COL4A4: variants seen among roughly 807,000 people sequenced by gnomAD.
COL4A4 encodes the protein collagen alpha-4(IV) chain.
Under a neutral mutation model 192.9 loss-of-function variants are expected in COL4A4, and 105 were observed. The observed-to-expected ratio is 0.54, with a 90% CI of 0.46 to 0.64. The LOEUF (loss-of-function observed/expected upper bound fraction) is 0.64. COL4A4 is among the 30% of genes least tolerant of loss of function. The pLI is 0.00. For missense variants in COL4A4, 1,967 were observed against 2,169.3 expected, an observed-to-expected ratio of 0.91 and a Z score of 1.85; for synonymous variants, 762 against 769.9, an observed-to-expected ratio of 0.99 and a Z score of 0.17.
the COL4A4 span, chr2:226,996,475 T>A: frequency 6.6e-6 from 1 of 152,222 alleles, no homozygotes; most frequent in East Asian, 1.9e-4. Flanking sequence ...TCTGTCTGAG[T>A]CGTTTAAGGC....
chr2:226,982,102 C>T, the COL4A4 span, among the ~76,000 whole-genome samples: 1 of 152,230 alleles, frequency 6.6e-6, no homozygotes, highest in African/African-American at 2.4e-5. Context: ...TTTTCTTGCC[C>T]AGCAAGCACA....
chr2:227,113,284 A>G lies in COL4A4; in HGVS notation c.558+1344T>C, dbSNP rs572554379. On this transcript the variant is annotated intron_variant, in intron 8 of 47. Transcript: ENST00000396625. Reference sequence around the variant, plus strand: ...TATAAAGTGGATATAGACTCTTAAGAGCATTGTCTCTCAAAGGTTATTGAT... The same window carrying G: ...TATAAAGTGGATATAGACTCTTAAGGGCATTGTCTCTCAAAGGTTATTGAT... 1.2e-4 allele frequency among the ~76,000 whole-genome samples: 19 copies of G among 152,300 alleles called. No homozygotes were observed. In the South Asian group the frequency reaches 3.9e-3, roughly 32 times the overall value.
intron 20 of COL4A4, among the ~76,000 whole-genome samples, chr2:227,093,222 T>C (rs960651276): frequency 3.2e-4 from 48 of 152,246 alleles, no homozygotes; most frequent in African/African-American, 1.1e-3. Context: ...AATTTACTTA[T>C]AGTTTAAATA....
intron 43 of COL4A4, among the ~76,000 whole-genome samples, chr2:227,024,799 A>G (rs1033434190): frequency 1.3e-5 from 2 of 152,232 alleles, no homozygotes; most frequent in African/African-American, 4.8e-5. Flanking sequence ...CTTTTCTACT[A>G]TGGGTGACTT....
At chr2:226,982,880 G>C in the COL4A4 span, among the ~76,000 whole-genome samples, 8 of 152,302 alleles carry the variant, frequency 5.3e-5, no homozygotes, top group South Asian at 1.7e-3. Context: ...TTCTACTCCA[G>C]TGTCATCACA....
intron 4 of COL4A4, among the ~76,000 whole-genome samples, chr2:227,121,885 T>G (rs890893756): frequency 3.9e-5 from 6 of 152,166 alleles, no homozygotes; most frequent in African/African-American, 1.4e-4. Context: ...AAAATCAAAG[T>G]TTTATTTACC....
chr2:227,042,043 G>C, intron 37 of COL4A4, 105 bp downstream of exon 37: 1 of 793,660 alleles, frequency 1.3e-6, no homozygotes, highest in East Asian at 2.4e-5. Context: ...GAAAAGAGTG[G>C]TATAACCAAG....
In COL4A4 at chr2:227,050,122, C is replaced by G; in HGVS notation, c.3160G>C (p.Gly1054Arg). 6.2e-7 allele frequency: 1 copy of G among 1,614,160 alleles called. No homozygotes were observed. The highest frequency in any genetic ancestry group is 1.1e-5 in the South Asian group (1 of 91,086). Residue 1054 changes from glycine (G) to arginine (R), a missense_variant, in exon 34 of 48, where the codon GGT becomes CGT. Transcript: ENST00000396625. ...PGLPGDQGEP[G>R]SPGPPGFSGI... ...GAAAATCCAGGGGGACCTGGAGAACCTGGCTCACCCTGACAGTTTAATGAA... is the reference window on the plus strand; with the variant it reads ...GAAAATCCAGGGGGACCTGGAGAACGTGGCTCACCCTGACAGTTTAATGAA...
chr2:227,039,608 G>C (rs1250314771), intron 37 of COL4A4, among the ~76,000 whole-genome samples: 3 of 152,210 alleles, frequency 2.0e-5, no homozygotes, highest in African/African-American at 7.2e-5. Flanking sequence ...AAGCCACCAA[G>C]ACACTTAAAA....
intron 20 of COL4A4, 66 bp from the exon 21 acceptor site, chr2:227,090,023 T>A: frequency 7.5e-7 from 1 of 1,339,714 alleles, no homozygotes; most frequent in Non-Finnish European, 1.1e-6. Context: ...TTCTATAGAA[T>A]AAGTGACTTT....
At chr2:227,134,753 T>C (rs1382773169) in intron 4 of COL4A4, among the ~76,000 whole-genome samples, 3 of 152,232 alleles carry the variant, frequency 2.0e-5, no homozygotes, top group Non-Finnish European at 4.4e-5. Context: ...AAAGAATGAC[T>C]CACTCACGTT....
At chr2:227,094,928 C>T (rs555788003) in intron 19 of COL4A4, among the ~76,000 whole-genome samples, 2 of 152,118 alleles carry the variant, frequency 1.3e-5, no homozygotes, top group Non-Finnish European at 2.9e-5. Flanking sequence ...ATAAAGTTTG[C>T]TTTTCCACAG....
rs2059762581 is a variant in COL4A4 at position 227,089,135 on chromosome 2, T to C, written c.1460-319A>G. On this transcript the variant is annotated intron_variant, in intron 21 of 47. Coordinates refer to ENST00000396625, the MANE Select transcript of COL4A4 (RefSeq NM_000092.5). ...AGAAACGTTAAAAATAATTCAACTT[T>C]TTTATTTTTAAAAGTTTAAAAGCCC... Among the ~76,000 whole-genome samples, 7 of 151,802 alleles carry C rather than the reference T, an allele frequency of 4.6e-5. 1 individual carries two copies. The highest frequency in any genetic ancestry group is 3.3e-4 in the Admixed American group (5 of 15,182).
intron 25 of COL4A4, among the ~76,000 whole-genome samples, chr2:227,070,274 C>T (rs1402531492): frequency 1.3e-5 from 2 of 151,958 alleles, no homozygotes; most frequent in South Asian, 2.1e-4. Context: ...GTTGGTGGGA[C>T]TGTAAACTAG....
intron 43 of COL4A4, among the ~76,000 whole-genome samples, chr2:227,023,425 G>A (rs1966397811): frequency 6.9e-6 from 1 of 144,544 alleles, no homozygotes; most frequent in Non-Finnish European, 1.5e-5. Flanking sequence ...CTGGGTGACA[G>A]AGCAAGATTC....
chr2:227,098,379 T>C (rs2060319697), intron 19 of COL4A4, among the ~76,000 whole-genome samples: 1 of 152,136 alleles, frequency 6.6e-6, no homozygotes, highest in Non-Finnish European at 1.5e-5. Flanking sequence ...AACACCCCTA[T>C]GATATTGATT....
intron 44 of COL4A4, among the ~76,000 whole-genome samples, chr2:227,019,242 C>G (rs1338567776): frequency 2.6e-5 from 4 of 152,228 alleles, no homozygotes; most frequent in African/African-American, 4.8e-5. Flanking sequence ...TAACCTGCAG[C>G]TAGGACTGCC....
intron 7 of COL4A4, among the ~76,000 whole-genome samples, chr2:227,117,605 A>G (rs572647582): frequency 1.3e-5 from 2 of 152,256 alleles, no homozygotes; most frequent in East Asian, 1.9e-4. Flanking sequence ...TTCTAGAAAG[A>G]AACTTGTGAA....
chr2:227,111,424 G>A (rs2061201604), intron 9 of COL4A4, among the ~76,000 whole-genome samples: 2 of 152,138 alleles, frequency 1.3e-5, no homozygotes, highest in Non-Finnish European at 2.9e-5. Context: ...GAAGAGGAAG[G>A]CAGGAGGGAG....
Sources: allele counts gnomAD v4.1 joint callset (sites outside exome capture counted in the v4.1 genomes callset), GRCh38; gene constraint gnomAD v4.1.1; transcripts MANE v1.5; gene names NCBI Gene and HGNC (gene_info 2026-07-23, HGNC 2026-07-21).